COMMD10: variants seen among roughly 807,000 people sequenced by gnomAD.
COMMD10 encodes COMM domain-containing protein 10.
In COMMD10, 33 loss-of-function variants were observed where a neutral mutation model predicts 28.9. The observed-to-expected ratio is 1.14, with a 90% CI of 0.87 to 1.53. The LOEUF (loss-of-function observed/expected upper bound fraction) is 1.53, where lower values mean the gene tolerates loss of function less well. Among genes scored for constraint, COMMD10 ranks in the 40% most tolerant of loss-of-function variants. The pLI, the probability that COMMD10 is intolerant of heterozygous loss-of-function variation, is 0.00. For synonymous variants in COMMD10, 110 were observed against 81.7 expected, an observed-to-expected ratio of 1.35 and a Z score of -1.87; for missense variants, 310 against 233.4, an observed-to-expected ratio of 1.33 and a Z score of -2.14.
intron 4 of COMMD10, among the ~76,000 whole-genome samples, chr5:116,127,857 A>G (rs928338622): frequency 3.9e-5 from 6 of 152,122 alleles, no homozygotes; most frequent in African/African-American, 1.4e-4. Context: ...GCACACCAAC[A>G]TGGCACATGT....
At chr5:116,258,224 C>G (rs1368684560) in intron 5 of COMMD10, among the ~76,000 whole-genome samples, 2 of 151,702 alleles carry the variant, frequency 1.3e-5, no homozygotes. Context: ...TTTCAATACT[C>G]TTTTCTAACA....
chr5:116,146,797 CAGA>C (rs1290721986), intron 5 of COMMD10, among the ~76,000 whole-genome samples: 2 of 151,712 alleles, frequency 1.3e-5, no homozygotes, highest in Non-Finnish European at 2.9e-5. Context: ...ATATATTTCT[CAGA>C]AGAAATTATT....
intron 5 of COMMD10, among the ~76,000 whole-genome samples, chr5:116,177,525 A>C (rs1561650387): frequency 2.1e-4 from 30 of 145,406 alleles, no homozygotes; most frequent in African/African-American, 7.0e-4. Context: ...TGTCTAAGTG[A>C]CCCCCCCCAC....
At chr5:116,185,901 T>G (rs183782290) in intron 5 of COMMD10, among the ~76,000 whole-genome samples, 1 of 152,252 alleles carries the variant, frequency 6.6e-6, no homozygotes, top group East Asian at 1.9e-4. Context: ...CTTTTCCCAT[T>G]AGTCTTCTCT....
At chr5:116,221,322 G>T (rs1338563763) in intron 5 of COMMD10, among the ~76,000 whole-genome samples, 1 of 152,124 alleles carries the variant, frequency 6.6e-6, no homozygotes, top group East Asian at 1.9e-4. Context: ...TCCTCTGGGA[G>T]ATGGATTTGA....
chr5:116,266,725 G>A (rs1750595401), intron 5 of COMMD10, among the ~76,000 whole-genome samples: 1 of 151,778 alleles, frequency 6.6e-6, no homozygotes, highest in Admixed American at 6.6e-5. Context: ...GAATCCAGCA[G>A]CACATCAAAA....
chr5:116,131,169 G>T (rs1359407969), intron 4 of COMMD10, among the ~76,000 whole-genome samples: 1 of 151,868 alleles, frequency 6.6e-6, no homozygotes, highest in African/African-American at 2.4e-5. Context: ...AGGTCTTATT[G>T]TGTCCATTTT....
intron 2 of COMMD10, among the ~76,000 whole-genome samples, 191 bp from the exon 3 acceptor site, chr5:116,090,883 CTAATT>C (rs1330828564): frequency 1.3e-5 from 2 of 152,164 alleles, no homozygotes; most frequent in African/African-American, 4.8e-5. Flanking sequence ...TTTGTTTAAT[CTAATT>C]TATTTTGTTT....
intron 5 of COMMD10, among the ~76,000 whole-genome samples, chr5:116,262,744 A>G (rs1036163122): frequency 1.3e-5 from 2 of 151,818 alleles, no homozygotes; most frequent in Non-Finnish European, 2.9e-5. Flanking sequence ...ATCATTTTTT[A>G]TAGCCTCATT....
At chr5:116,092,311 A>G (rs1185090871) in intron 3 of COMMD10, among the ~76,000 whole-genome samples, 1 of 152,202 alleles carries the variant, frequency 6.6e-6, no homozygotes, top group East Asian at 1.9e-4. Flanking sequence ...TACTTAAAGC[A>G]TAGGTAAGAG....
At chr5:116,142,616 A>T (rs1007148063) in intron 5 of COMMD10, among the ~76,000 whole-genome samples, 2 of 151,830 alleles carry the variant, frequency 1.3e-5, no homozygotes, top group Non-Finnish European at 3.0e-5. Flanking sequence ...ACACTATTTC[A>T]AAAATAGGTT....
rs534911575 is a variant in COMMD10 at position 116,289,447 on chromosome 5, G to A, written c.511-2070G>A. On this transcript the variant is annotated intron_variant, in intron 5 of 6. Coordinates refer to ENST00000274458, the MANE Select transcript of COMMD10 (RefSeq NM_016144.4). ...CTGGGAGTTCTAGGGCCTCTCAAATGTTTTCTGATATTTTGCTCCCTCTGG... is the reference window on the plus strand; with the variant it reads ...CTGGGAGTTCTAGGGCCTCTCAAATATTTTCTGATATTTTGCTCCCTCTGG... 1.7e-3 allele frequency among the ~76,000 whole-genome samples: 262 copies of A among 151,914 alleles called. 5 individuals are homozygous for A. The highest frequency in any genetic ancestry group is 6.0e-3 in the African/African-American group (247 of 41,254).
At chr5:116,223,196 AT>A (rs564098613) in intron 5 of COMMD10, among the ~76,000 whole-genome samples, 12 of 151,262 alleles carry the variant, frequency 7.9e-5, no homozygotes, top group East Asian at 5.8e-4. Flanking sequence ...TCTATATTGG[AT>A]TTTTTTTTGA....
At chr5:116,092,726 G>A (rs1561595834) in intron 4 of COMMD10, 26 bp downstream of exon 4, 3 of 1,469,814 alleles carry the variant, frequency 2.0e-6, no homozygotes, top group South Asian at 2.9e-5. Flanking sequence ...TCTTAAATAT[G>A]TTTTTCAATA....
At chr5:116,246,260 A>G (rs1749949492) in intron 5 of COMMD10, among the ~76,000 whole-genome samples, 1 of 152,136 alleles carries the variant, frequency 6.6e-6, no homozygotes, top group African/African-American at 2.4e-5. Context: ...TAAAATACCT[A>G]AGAATACAGC....
chr5:116,258,815 C>G (rs889735307), intron 5 of COMMD10, among the ~76,000 whole-genome samples: 1 of 151,540 alleles, frequency 6.6e-6, no homozygotes, highest in South Asian at 2.1e-4. Context: ...TCATCTGCCT[C>G]TCCCTGCACC....
At chr5:116,266,388 G>A (rs1750584819) in intron 5 of COMMD10, among the ~76,000 whole-genome samples, 1 of 151,524 alleles carries the variant, frequency 6.6e-6, no homozygotes, top group Admixed American at 6.6e-5. Flanking sequence ...GAAAGGAGTT[G>A]CCCAAACTGA....
intron 4 of COMMD10, among the ~76,000 whole-genome samples, chr5:116,100,565 A>G (rs533891720): frequency 1.6e-4 from 23 of 140,700 alleles, no homozygotes; most frequent in Non-Finnish European, 2.9e-4. Flanking sequence ...CAGTACCATT[A>G]GTTGAAAAGG....
chr5:116,263,662 A>G (rs755029499), intron 5 of COMMD10, among the ~76,000 whole-genome samples: 1 of 151,622 alleles, frequency 6.6e-6, no homozygotes, highest in Admixed American at 6.6e-5. Flanking sequence ...CTTAACTTGA[A>G]CATTCCTTTC....
Sources: allele counts gnomAD v4.1 joint callset (sites outside exome capture counted in the v4.1 genomes callset), GRCh38; gene constraint gnomAD v4.1.1; transcripts MANE v1.5; gene names NCBI Gene and HGNC (gene_info 2026-07-23, HGNC 2026-07-21).